CAGE1: variants seen among roughly 807,000 people sequenced by gnomAD.
The protein encoded by CAGE1 is cancer-associated gene 1 protein.
A neutral mutation model predicts 94.9 loss-of-function variants in CAGE1; 66 were observed. The observed-to-expected ratio is 0.70, with a 90% CI of 0.57 to 0.85. The LOEUF is 0.85. Among genes scored for constraint, CAGE1 ranks in the 40% least tolerant of loss-of-function variants. The pLI is 0.00. For synonymous variants in CAGE1, 319 were observed against 321.0 expected, an observed-to-expected ratio of 0.99 and a Z score of 0.07; for missense variants, 865 against 950.4, an observed-to-expected ratio of 0.91 and a Z score of 1.18.
chr6:7,329,990 C>A, intron 12 of CAGE1, 102 bp from the exon 13 acceptor site: 3 of 606,094 alleles, frequency 4.9e-6, no homozygotes, highest in Non-Finnish European at 9.1e-6. Context: ...TTTCCCCTCA[C>A]TTTCAAGGAG....
intron 11 of CAGE1, among the ~76,000 whole-genome samples, chr6:7,352,290 C>CAAAAAAAAAAAAAAAAAA (rs77426667): frequency 2.3e-5 from 1 of 43,620 alleles, no homozygotes; most frequent in African/African-American, 5.9e-5. Context: ...ACAATAGCTG[C>CAAAAAAAAAAAAAAAAAA]AAAAAAAAAA....
chr6:7,380,041 A>G (rs1322272683), intron 3 of CAGE1, among the ~76,000 whole-genome samples: 1 of 152,228 alleles, frequency 6.6e-6, no homozygotes, highest in Non-Finnish European at 1.5e-5. Flanking sequence ...CAAATCGTGG[A>G]ATCAGATTGG....
intron 11 of CAGE1, among the ~76,000 whole-genome samples, chr6:7,340,636 A>C (rs1022435085): frequency 5.9e-5 from 9 of 152,184 alleles, no homozygotes; most frequent in Admixed American, 5.9e-4. Context: ...CACTCAGCTT[A>C]AGGAGGGTGA....
At chr6:7,329,961 T>G (rs1009830830) in intron 12 of CAGE1, 73 bp from the exon 13 acceptor site, 2 of 663,232 alleles carry the variant, frequency 3.0e-6, no homozygotes. Context: ...GGTGAGCAAG[T>G]TGCCATTATT....
chr6:7,383,397 G>A (rs537276543), intron 3 of CAGE1, among the ~76,000 whole-genome samples: 8 of 152,292 alleles, frequency 5.3e-5, no homozygotes, highest in Admixed American at 2.0e-4. Context: ...TTGGTGTGAG[G>A]TAAGGTTCTA....
Position 7,374,149 on chromosome 6 carries a change from C to G in CAGE1, c.688-18G>C. 1 of 1,587,504 alleles carries G rather than the reference C, an allele frequency of 6.3e-7. No homozygotes were observed. Among genetic ancestry groups the G allele is most frequent in the Non-Finnish European group, 8.6e-7 (1 of 1,162,410 alleles). On this transcript the variant is annotated intron_variant, in intron 4 of 13. Transcript: ENST00000502583. ...ACTGCAGTCTGTAAATTATAGTAAA[C>G]AAAGTAAGTGTGAACGAGTAGAAAG...
chr6:7,375,421 A>C (rs1033309725), intron 4 of CAGE1, among the ~76,000 whole-genome samples: 7 of 151,964 alleles, frequency 4.6e-5, no homozygotes, highest in Non-Finnish European at 1.0e-4. Flanking sequence ...AAAAACAAAA[A>C]ACAAACAAAC....
At chr6:7,388,218 G>T (rs910260812) in intron 1 of CAGE1, among the ~76,000 whole-genome samples, 1 of 152,018 alleles carries the variant, frequency 6.6e-6, no homozygotes, top group Non-Finnish European at 1.5e-5. Context: ...TCCATAGCCT[G>T]GAGTGACATC....
intron 12 of CAGE1, among the ~76,000 whole-genome samples, chr6:7,333,792 C>CA (rs1554136153): frequency 1.1e-5 from 1 of 90,350 alleles, no homozygotes; most frequent in African/African-American, 6.9e-5. Context: ...CCTCAGCCCC[C>CA]CAGTAGCTGG....
chr6:7,384,168 C>G (rs1017954999), intron 3 of CAGE1, among the ~76,000 whole-genome samples: 5 of 152,102 alleles, frequency 3.3e-5, no homozygotes, highest in African/African-American at 2.4e-5. Context: ...AGCTCCACCC[C>G]CTGGGTTCAT....
chr6:7,380,805 A>G (rs544837437), intron 3 of CAGE1, among the ~76,000 whole-genome samples: 78 of 152,290 alleles, frequency 5.1e-4, no homozygotes, highest in African/African-American at 1.8e-3. Context: ...TGCAGTGAAC[A>G]TGTTTCCTTC....
intron 11 of CAGE1, among the ~76,000 whole-genome samples, chr6:7,342,705 T>A (rs1581663065): frequency 6.6e-6 from 1 of 152,368 alleles, no homozygotes; most frequent in African/African-American, 2.4e-5. Flanking sequence ...GGGTTCTTGG[T>A]CATGAAGTCT....
rs536047419 is a variant in CAGE1 at position 7,368,877 on chromosome 6, C to CA, written c.1894-80dup. On this transcript the variant is annotated intron_variant, in intron 6 of 13. Transcript: ENST00000502583. ...TGAGGCCAAAACTATGCATATGAAA[C>CA]AAAAACAAATCTCCTTTCAATAAGT... 714 of 752,094 alleles carry CA rather than the reference C, an allele frequency of 9.5e-4. 2 individuals are homozygous for CA. In the African/African-American group the frequency reaches 0.01, roughly 11 times the overall value. 46.6% of individuals were successfully genotyped at this position (752,094 alleles called of 1,614,324 possible).
chr6:7,361,540 T>G (rs1410065523), intron 9 of CAGE1, among the ~76,000 whole-genome samples: 1 of 152,208 alleles, frequency 6.6e-6, no homozygotes, highest in Non-Finnish European at 1.5e-5. Flanking sequence ...TTTTCTAAAC[T>G]GAGGATTACT....
intron 11 of CAGE1, among the ~76,000 whole-genome samples, chr6:7,345,119 C>CT (rs1759391886): frequency 6.6e-6 from 1 of 150,828 alleles, no homozygotes. Flanking sequence ...GCTGTTTGCT[C>CT]TTTAGATCCA....
intron 10 of CAGE1, 87 bp downstream of exon 10, chr6:7,355,937 GA>G: frequency 1.4e-6 from 1 of 702,496 alleles, no homozygotes; most frequent in Non-Finnish European, 2.4e-6. Context: ...CCAGGGGATT[GA>G]GGCTGTAGTT....
chr6:7,350,820 CAACT>C (rs1759742485), intron 11 of CAGE1, among the ~76,000 whole-genome samples: 1 of 151,984 alleles, frequency 6.6e-6, no homozygotes, highest in Non-Finnish European at 1.5e-5. Context: ...GAAAGAGCAC[CAACT>C]GACAGTCTAA....
At chr6:7,341,354 G>A (rs1276962479) in intron 11 of CAGE1, 1 of 734,668 alleles carries the variant, frequency 1.4e-6, no homozygotes, top group East Asian at 3.0e-5. Context: ...CATGGGTCCT[G>A]TTGTGATCAG....
Position 7,378,710 on chromosome 6 carries a change from T to C in CAGE1, c.594A>G (p.Gly198=), listed in dbSNP as rs752616645. ...ACTTTTCTGTAAATTTCAGCATCTC[T>C]CCACTGCAGTGGATTAGAGGCGGGC... The part of the protein sequence containing the change: ...PRSPPLIHCS[G]EMLKFTEKSL... Residue 198 remains glycine, a synonymous_variant, in exon 4 of 14, where the codon GGA becomes GGG. Coordinates refer to ENST00000502583, the MANE Select transcript of CAGE1 (RefSeq NM_001170692.2). 17 of 1,613,782 alleles carry C rather than the reference T, an allele frequency of 1.1e-5. No individual in the cohort carries two copies. The highest frequency in any genetic ancestry group is 1.3e-5 in the Non-Finnish European group (15 of 1,179,850).
Sources: allele counts gnomAD v4.1 joint callset (sites outside exome capture counted in the v4.1 genomes callset), GRCh38; gene constraint gnomAD v4.1.1; transcripts MANE v1.5; gene names NCBI Gene and HGNC (gene_info 2026-07-23, HGNC 2026-07-21).